The following TBC1D22A variants were observed in gnomAD, a reference collection of about 807,000 sequenced individuals.
TBC1D22A encodes putative GTPase activator.
TBC1D22A carries 38 observed loss-of-function variants against 60.2 expected under a neutral mutation model. That is an observed-to-expected ratio of 0.63 (90% CI 0.49 to 0.83). The LOEUF (loss-of-function observed/expected upper bound fraction) is 0.83. TBC1D22A is among the 40% of genes least tolerant of loss of function. TBC1D22A has a pLI of 0.00. For synonymous variants in TBC1D22A, 302 were observed against 281.7 expected (o/e 1.07, Z -0.72); for missense variants, 628 against 701.0 (o/e 0.90, Z 1.18).
intron 4 of TBC1D22A, among the ~76,000 whole-genome samples, chr22:46,799,472 C>T (rs2084804362): frequency 1.3e-5 from 2 of 152,158 alleles, no homozygotes; most frequent in Admixed American, 1.3e-4. Flanking sequence ...GGGTCACAAT[C>T]AGGAAATTTA....
In TBC1D22A at chr22:47,014,475, C is replaced by G. The variant is rs1035489764; in HGVS notation, c.1201+16766C>G. Among the ~76,000 whole-genome samples, 13 of 152,280 alleles carry G rather than the reference C, an allele frequency of 8.5e-5. No homozygotes were observed. The East Asian group carries it at 2.5e-3, about 29-fold the overall frequency. ...TGTGCTTTTGTATTGAGGTGGCTCCCGCTCGCAGCCATGTCAGGGCCCGGG... is the reference window on the plus strand; with the variant it reads ...TGTGCTTTTGTATTGAGGTGGCTCCGGCTCGCAGCCATGTCAGGGCCCGGG... On this transcript the variant is annotated intron_variant, in intron 10 of 12. Transcript: ENST00000337137.
At chr22:47,060,184 G>C (rs1445649703) in intron 11 of TBC1D22A, among the ~76,000 whole-genome samples, 1 of 151,796 alleles carries the variant, frequency 6.6e-6, no homozygotes, top group African/African-American at 2.4e-5. Context: ...CGTACTTCCA[G>C]CAGGCAGATC....
At chr22:46,972,287 C>T (rs906943173) in intron 8 of TBC1D22A, among the ~76,000 whole-genome samples, 2 of 152,160 alleles carry the variant, frequency 1.3e-5, no homozygotes, top group South Asian at 2.1e-4. Context: ...ATCTTGAGGG[C>T]GTCAGGTCTC....
chr22:46,797,669 T>G (rs1016567041), intron 4 of TBC1D22A, 49 bp downstream of exon 4: 2 of 1,520,420 alleles, frequency 1.3e-6, no homozygotes, highest in African/African-American at 1.4e-5. Context: ...TCTTGCTGTT[T>G]CTGAAATAGA....
chr22:46,952,474 A>G (rs1398015994), intron 8 of TBC1D22A, among the ~76,000 whole-genome samples: 1 of 152,158 alleles, frequency 6.6e-6, no homozygotes, highest in Non-Finnish European at 1.5e-5. Flanking sequence ...ACCAAATGTT[A>G]TATCTCTGTA....
intron 11 of TBC1D22A, among the ~76,000 whole-genome samples, chr22:47,055,135 T>G (rs1316280441): frequency 6.6e-6 from 1 of 152,216 alleles, no homozygotes; most frequent in Non-Finnish European, 1.5e-5. Flanking sequence ...CCTGGGATGT[T>G]GGGGTCTACC....
chr22:47,109,404 G>A (rs1280895247), intron 11 of TBC1D22A, among the ~76,000 whole-genome samples: 1 of 152,194 alleles, frequency 6.6e-6, no homozygotes, highest in African/African-American at 2.4e-5. Flanking sequence ...TTTAGTGGAT[G>A]TATGCAGGGC....
chr22:47,090,008 A>T (rs903585747), intron 11 of TBC1D22A, among the ~76,000 whole-genome samples: 3 of 152,086 alleles, frequency 2.0e-5, no homozygotes, highest in African/African-American at 7.2e-5. Flanking sequence ...TTGGCGTGGC[A>T]TTCGCTCACC....
At chr22:47,157,780 GC>G (rs2147193125) in intron 12 of TBC1D22A, among the ~76,000 whole-genome samples, 1 of 152,314 alleles carries the variant, frequency 6.6e-6, no homozygotes, top group South Asian at 2.1e-4. Flanking sequence ...CCAGATGGTG[GC>G]CCAGGACAGT....
chr22:46,818,326 G>A (rs2085687310), intron 4 of TBC1D22A, among the ~76,000 whole-genome samples: 1 of 152,198 alleles, frequency 6.6e-6, no homozygotes, highest in Admixed American at 6.5e-5. Context: ...CTTTGCCCAT[G>A]CCTATGTCCT....
At chr22:46,841,795 A>T (rs987625260) in intron 4 of TBC1D22A, among the ~76,000 whole-genome samples, 9 of 152,382 alleles carry the variant, frequency 5.9e-5, no homozygotes, top group African/African-American at 2.2e-4. Flanking sequence ...ACAGTACTGT[A>T]TGGTATACTT....
chr22:46,826,044 G>A (rs1164349510), intron 4 of TBC1D22A, among the ~76,000 whole-genome samples: 1 of 152,026 alleles, frequency 6.6e-6, no homozygotes, highest in East Asian at 1.9e-4. Flanking sequence ...CACCACGCCT[G>A]GCTAATTTTT....
intron 7 of TBC1D22A, among the ~76,000 whole-genome samples, chr22:46,899,227 A>G (rs1018698171): frequency 6.6e-6 from 1 of 152,106 alleles, no homozygotes; most frequent in Admixed American, 6.6e-5. Context: ...CAAGCAGATC[A>G]GCTGAGGTCA....
At chr22:47,151,913 A>AT (rs2067519021) in intron 12 of TBC1D22A, among the ~76,000 whole-genome samples, 1 of 152,168 alleles carries the variant, frequency 6.6e-6, no homozygotes, top group African/African-American at 2.4e-5. Flanking sequence ...TGGGGCCAGC[A>AT]ATGTCACCTC....
At position 47,008,901 on chromosome 22, in the gene TBC1D22A, AG is replaced by A. The variant is rs534025478; in HGVS notation, c.1201+11193del. 2.0e-3 allele frequency among the ~76,000 whole-genome samples: 301 copies of A among 152,336 alleles called. 1 individual carries two copies. The highest frequency in any genetic ancestry group is 6.9e-3 in the African/African-American group (288 of 41,582). ...CCCTATGTTTTGGTGGCTGAGTGAC[AG>A]CGAAAATGCCAGGCCAGGAGCAACA... is the stretch of plus-strand genomic sequence containing the variant. On this transcript the variant is annotated intron_variant, in intron 10 of 12. Coordinates refer to ENST00000337137, the MANE Select transcript of TBC1D22A (RefSeq NM_014346.5).
At chr22:46,858,675 T>TA (rs1053428381) in intron 4 of TBC1D22A, among the ~76,000 whole-genome samples, 7 of 152,206 alleles carry the variant, frequency 4.6e-5, no homozygotes, top group African/African-American at 1.4e-4. Flanking sequence ...CGCTGAGCGA[T>TA]ACGCTGGCGG....
chr22:46,975,554 C>T (rs1340293045), intron 9 of TBC1D22A, among the ~76,000 whole-genome samples: 2 of 152,178 alleles, frequency 1.3e-5, no homozygotes, highest in East Asian at 1.9e-4. Flanking sequence ...TATCCCAGCT[C>T]AAAGGGGGGC....
intron 4 of TBC1D22A, among the ~76,000 whole-genome samples, chr22:46,813,750 C>A (rs756893468): frequency 6.6e-6 from 1 of 152,172 alleles, no homozygotes; most frequent in Non-Finnish European, 1.5e-5. Context: ...GCAGGTGGGC[C>A]TTCAGGGGCC....
intron 6 of TBC1D22A, 82 bp downstream of exon 6, chr22:46,891,476 A>C (rs2068406075): frequency 6.9e-7 from 1 of 1,455,746 alleles, no homozygotes; most frequent in South Asian, 1.5e-5. Flanking sequence ...TTTTATCAAA[A>C]CCATGTGGAG....
Sources: allele counts gnomAD v4.1 joint callset (sites outside exome capture counted in the v4.1 genomes callset), GRCh38; gene constraint gnomAD v4.1.1; transcripts MANE v1.5; gene names NCBI Gene and HGNC (gene_info 2026-07-23, HGNC 2026-07-21).